DNAAF1: variants seen among roughly 807,000 people sequenced by gnomAD.
DNAAF1 encodes dynein assembly factor 1, axonemal.
DNAAF1 carries 65 observed loss-of-function variants against 71.1 expected under a neutral mutation model. That is an observed-to-expected ratio of 0.91 (90% CI 0.75 to 1.12). The LOEUF (loss-of-function observed/expected upper bound fraction) is 1.12, where lower values mean the gene tolerates loss of function less well. Among genes scored for constraint, DNAAF1 ranks in the 50% most tolerant of loss-of-function variants. DNAAF1 has a pLI of 0.00. For missense variants in DNAAF1, 1,178 were observed against 899.8 expected (o/e 1.31, Z -3.96); for synonymous variants, 414 against 354.6 (o/e 1.17, Z -1.88).
chr16:84,160,366 A>G (rs1163562741), intron 6 of DNAAF1, among the ~76,000 whole-genome samples: 1 of 152,126 alleles, frequency 6.6e-6, no homozygotes, highest in African/African-American at 2.4e-5. Context: ...ACCGATTTGT[A>G]AGGGCTTCTT....
At chr16:84,176,576 G>C in intron 11 of DNAAF1, 1 of 537,490 alleles carries the variant, frequency 1.9e-6, no homozygotes, top group Non-Finnish European at 3.4e-6. Flanking sequence ...TCCCCCTGTG[G>C]TCATGCAGAT....
chr16:84,172,906 C>T, intron 9 of DNAAF1: 1 of 1,007,284 alleles, frequency 9.9e-7, no homozygotes, highest in Non-Finnish European at 1.2e-6. Context: ...GCAGCCTTGC[C>T]TGTCACTCTT....
intron 3 of DNAAF1, among the ~76,000 whole-genome samples, chr16:84,151,116 T>C (rs2087162720): frequency 6.6e-6 from 1 of 152,128 alleles, no homozygotes; most frequent in African/African-American, 2.4e-5. Flanking sequence ...CAGACAGGGC[T>C]TTTCCCAGCC....
intron 9 of DNAAF1, 147 bp downstream of exon 9, chr16:84,172,522 T>C (rs1354022783): frequency 4.7e-6 from 7 of 1,489,000 alleles, no homozygotes; most frequent in African/African-American, 1.4e-5. Flanking sequence ...TGGTTAGAAA[T>C]GCAGACTCCC....
chr16:84,156,877 G>T (rs1179850685), intron 5 of DNAAF1, among the ~76,000 whole-genome samples: 1 of 116,038 alleles, frequency 8.6e-6, no homozygotes, highest in Non-Finnish European at 1.6e-5. Context: ...TTTTGAGACA[G>T]GGTCTTGCTC....
At chr16:84,169,552 T>C (rs1387563468) in intron 7 of DNAAF1, among the ~76,000 whole-genome samples, 2 of 152,092 alleles carry the variant, frequency 1.3e-5, no homozygotes, top group Admixed American at 6.5e-5. Flanking sequence ...CTTGAGTAGC[T>C]GGGGCTACAG....
intron 6 of DNAAF1, among the ~76,000 whole-genome samples, chr16:84,164,419 C>A (rs2087866761): frequency 6.6e-6 from 1 of 152,156 alleles, no homozygotes. Context: ...CTTCTTCATC[C>A]CTCCTACCTC....
intron 8 of DNAAF1, among the ~76,000 whole-genome samples, chr16:84,170,594 G>A (rs939930298): frequency 6.6e-6 from 1 of 152,158 alleles, no homozygotes; most frequent in Admixed American, 6.5e-5. Flanking sequence ...GGAACTTTGG[G>A]AGGCCAAGGC....
In DNAAF1 at chr16:84,149,018, C is replaced by G; in HGVS notation, c.136C>G (p.Pro46Ala). 1 of 1,613,874 alleles carries G rather than the reference C, an allele frequency of 6.2e-7. No individual in the cohort carries two copies. Among genetic ancestry groups the G allele is most frequent in the Non-Finnish European group, 8.5e-7 (1 of 1,179,958 alleles). The part of the protein sequence containing the change: ...RGGCKEEIND[P>A]KEICVGSSDT... ...CTTTTATTTTACAGAAATTAATGAT[C>G]CTAAGGAAATATGTGTGGGTTCTTC... The change falls in exon 2 of 12, where the codon CCT becomes GCT. Residue 46 changes from proline to alanine, a missense_variant. Coordinates refer to ENST00000378553, the MANE Select transcript of DNAAF1 (RefSeq NM_178452.6).
chr16:84,149,040 C>A lies in DNAAF1; in HGVS notation c.158C>A (p.Ser53Tyr). The change falls in exon 2 of 12, where the codon TCT (serine) becomes TAT (tyrosine). Residue 53 changes from serine (S) to tyrosine (Y), a missense_variant. Coordinates refer to ENST00000378553, the MANE Select transcript of DNAAF1 (RefSeq NM_178452.6). ...INDPKEICVG[S>Y]SDTSYHSQQK... is the part of the protein sequence containing the mutation. ...GATCCTAAGGAAATATGTGTGGGTT[C>A]TTCTGACACATCCTACCACAGCCAG... 6.2e-7 allele frequency: 1 copy of A among 1,614,044 alleles called. No homozygotes were observed. The highest frequency in any genetic ancestry group is 8.5e-7 in the Non-Finnish European group (1 of 1,180,004).
Position 84,154,678 on chromosome 16 carries a change from G to A in DNAAF1, c.454G>A (p.Glu152Lys). 1.9e-6 allele frequency: 3 copies of A among 1,614,162 alleles called. No homozygotes were observed. The highest frequency in any genetic ancestry group is 2.5e-6 in the Non-Finnish European group (3 of 1,180,034). Reference protein sequence around the residue: ...QKIENLEAQTELRCLFLQMNL... With the variant: ...QKIENLEAQTKLRCLFLQMNL... ...AATCGAAAACCTGGAGGCCCAAACT[G>A]AGTTGCGTTGCCTCTTCTTGCAAAT... is the stretch of plus-strand genomic sequence containing the variant. The change falls in exon 4 of 12, where the codon GAG becomes AAG. Residue 152 changes from glutamate to lysine, a missense_variant. Transcript: ENST00000378553.
intron 5 of DNAAF1, chr16:84,159,228 C>T (rs1368466799): frequency 9.5e-7 from 1 of 1,054,472 alleles, no homozygotes; most frequent in African/African-American, 1.7e-5. Flanking sequence ...GGGCACTCCC[C>T]ATCCTTTCCC....
intron 7 of DNAAF1, 182 bp downstream of exon 7, chr16:84,166,131 G>A: frequency 1.3e-6 from 1 of 782,306 alleles, no homozygotes; most frequent in Non-Finnish European, 2.0e-6. Context: ...TTGGCTCACT[G>A]CAACTTCTGT....
At chr16:84,172,514 G>T (rs1206470119) in intron 9 of DNAAF1, 139 bp downstream of exon 9, 3 of 1,497,072 alleles carry the variant, frequency 2.0e-6, no homozygotes, top group Non-Finnish European at 1.8e-6. Context: ...TGGGGCGCTG[G>T]TTAGAAATGC....
Position 84,176,036 on chromosome 16 carries a change from A to G in DNAAF1, c.1802A>G (p.Asp601Gly). 2 of 1,614,144 alleles carry G rather than the reference A, an allele frequency of 1.2e-6. No homozygotes were observed. The highest frequency in any genetic ancestry group is 1.7e-6 in the Non-Finnish European group (2 of 1,180,018). The change falls in exon 11 of 12, where the codon GAC becomes GGC. Residue 601 changes from aspartate (D) to glycine (G), a missense_variant. Transcript: ENST00000378553. ...CCTGTGCTGGAAAACCTCCCCACAG[A>G]CACTCTGTCAAATATATTTGCAGTC... ...SLPVLENLPTDTLSNIFAVSK... is the reference protein window; with the variant it reads ...SLPVLENLPTGTLSNIFAVSK...
intron 1 of DNAAF1, among the ~76,000 whole-genome samples, chr16:84,146,282 A>C (rs1469947659): frequency 6.6e-6 from 1 of 152,156 alleles, no homozygotes; most frequent in African/African-American, 2.4e-5. Flanking sequence ...TCCAGACTGC[A>C]TGTTGTGTCA....
At chr16:84,168,005 G>A (rs533193736) in intron 7 of DNAAF1, among the ~76,000 whole-genome samples, 12 of 150,098 alleles carry the variant, frequency 8.0e-5, no homozygotes, top group African/African-American at 2.4e-4. Context: ...CGACAAGAGC[G>A]AAACTCCATC....
At position 84,154,644 on chromosome 16, in the gene DNAAF1, A is replaced by G. The variant is rs751710592; in HGVS notation, c.420A>G (p.Gly140=). The G allele has an allele frequency of 1.9e-6, 3 of 1,614,048 alleles. No individual in the cohort carries two copies. Among genetic ancestry groups the G allele is most frequent in the Non-Finnish European group, 1.7e-6 (2 of 1,180,040 alleles). The stretch of plus-strand genomic sequence containing the variant: ...GCTGTCTCTGGCTGCAGAGCAATGG[A>G]ATACAGAAAATCGAAAACCTGGAGG... ...GLRCLWLQSN[G]IQKIENLEAQ... is the part of the protein sequence containing the mutation. Residue 140 remains glycine, a synonymous_variant, in exon 4 of 12, where the codon GGA becomes GGG. Coordinates refer to ENST00000378553, the MANE Select transcript of DNAAF1 (RefSeq NM_178452.6).
In DNAAF1 at chr16:84,154,747, C is replaced by A. The variant is rs777184857; in HGVS notation, c.523C>A (p.Leu175Met). 2 of 1,614,162 alleles carry A rather than the reference C, an allele frequency of 1.2e-6. No homozygotes were observed. Among genetic ancestry groups the A allele is most frequent in the East Asian group, 4.5e-5 (2 of 44,882 alleles). The change falls in exon 4 of 12, where the codon CTG (leucine) becomes ATG (methionine). Residue 175 changes from leucine (L) to methionine (M), a missense_variant. Physicochemically the swap from Leu to Met is conservative, Grantham distance 15. Coordinates refer to ENST00000378553, the MANE Select transcript of DNAAF1 (RefSeq NM_178452.6). ...TGAGAACCTGGAACCTCTGCAGAAA[C>A]TGGATGCTCTTAACCTCAGCAACAA... is the stretch of plus-strand genomic sequence containing the variant. The part of the protein sequence containing the change: ...KIENLEPLQK[L>M]DALNLSNNYI...
Sources: allele counts gnomAD v4.1 joint callset (sites outside exome capture counted in the v4.1 genomes callset), GRCh38; gene constraint gnomAD v4.1.1; transcripts MANE v1.5; gene names NCBI Gene and HGNC (gene_info 2026-07-23, HGNC 2026-07-21).